Variants in RAPGEF2 observed in about 807,000 individuals in gnomAD.
RAPGEF2 encodes the protein PDZ domain containing guanine nucleotide exchange factor (GEF) 1.
Under a neutral mutation model 186.7 loss-of-function variants are expected in RAPGEF2, and 54 were observed. That is an observed-to-expected ratio of 0.29 (90% CI 0.23 to 0.36). The LOEUF is 0.36. Among genes scored for constraint, RAPGEF2 ranks in the 10% least tolerant of loss-of-function variants. The pLI is 1.00. For synonymous variants in RAPGEF2, 712 were observed against 705.9 expected, an observed-to-expected ratio of 1.01 and a Z score of -0.14; for missense variants, 1,532 against 2,045.0, an observed-to-expected ratio of 0.75 and a Z score of 4.84.
chr4:159,354,060 T>C lies in RAPGEF2; in HGVS notation c.4651+14T>C. The C allele has an allele frequency of 6.5e-7, 1 of 1,539,186 alleles. No homozygotes were observed. The highest frequency in any genetic ancestry group is 8.7e-7 in the Non-Finnish European group (1 of 1,146,122). On this transcript the variant is annotated intron_variant, in intron 28 of 29. Transcript: ENST00000691494. Reference sequence around the variant, plus strand: ...AGGGGCTCATTGGTAAGTTTTAAAATTGGGGGACTTTGTCATGTCTGGATC... The same window carrying C: ...AGGGGCTCATTGGTAAGTTTTAAAACTGGGGGACTTTGTCATGTCTGGATC...
intron 4 of RAPGEF2, among the ~76,000 whole-genome samples, chr4:159,214,575 A>C (rs1750829364): frequency 6.6e-6 from 1 of 152,222 alleles, no homozygotes; most frequent in Non-Finnish European, 1.5e-5. Flanking sequence ...TTTTGTCTAA[A>C]ATTACCCCAT....
At position 159,355,158 on chromosome 4, in the gene RAPGEF2, G is replaced by T. The variant is rs189771789; in HGVS notation, c.4652-695G>T. Among the ~76,000 whole-genome samples the T allele has an allele frequency of 1.8e-3, 276 of 152,244 alleles. 3 individuals carry two copies. Among genetic ancestry groups the T allele is most frequent in the African/African-American group, 6.3e-3 (262 of 41,552 alleles). The stretch of plus-strand genomic sequence containing the variant: ...ATGATTTTTAGTTCCTAACAATTGA[G>T]TTTTAAAAGTTCAAGAAAATGAAAC... On this transcript the variant is annotated intron_variant, in intron 28 of 29. Coordinates refer to ENST00000691494, the MANE Select transcript of RAPGEF2 (RefSeq NM_001394067.2).
In RAPGEF2 at chr4:159,343,127, C is replaced by G; in HGVS notation, c.3067C>G (p.Leu1023Val). The part of the protein sequence containing the change: ...KYRNVLNSQN[L>V]QPPIIPLFPV... Reference sequence around the variant, plus strand: ...TCGTAATGTTCTCAATAGTCAAAATCTACAACCTCCCATAATCCCTCTATT... The same window carrying G: ...TCGTAATGTTCTCAATAGTCAAAATGTACAACCTCCCATAATCCCTCTATT... The change falls in exon 21 of 30, where the codon CTA becomes GTA. Residue 1023 changes from leucine to valine, a missense_variant. This residue lies in a region of RAPGEF2 where 11 missense variants were observed against 45.2 expected (regional missense o/e 0.24). Coordinates refer to ENST00000691494, the MANE Select transcript of RAPGEF2 (RefSeq NM_001394067.2). The G allele has an allele frequency of 6.2e-7, 1 of 1,614,094 alleles. No homozygotes were observed. The highest frequency in any genetic ancestry group is 2.2e-5 in the East Asian group (1 of 44,888).
chr4:159,169,797 G>A (rs773581048), intron 1 of RAPGEF2, among the ~76,000 whole-genome samples: 34 of 151,732 alleles, frequency 2.2e-4, no homozygotes, highest in Admixed American at 6.6e-4. Flanking sequence ...CCTATATACC[G>A]CACTTTCTTC....
rs140197205 is a variant in RAPGEF2 at position 159,134,056 on chromosome 4, A to G, written c.69+29825A>G. Among the ~76,000 whole-genome samples the G allele has an allele frequency of 5.3e-3, 800 of 152,292 alleles. 8 individuals carry two copies. Among genetic ancestry groups the G allele is most frequent in the African/African-American group, 0.018 (761 of 41,572 alleles). On this transcript the variant is annotated intron_variant, in intron 1 of 29. Coordinates refer to ENST00000691494, the MANE Select transcript of RAPGEF2 (RefSeq NM_001394067.2). The stretch of plus-strand genomic sequence containing the variant: ...TTAATTTGTATACAGTCATGTCACC[A>G]CTGCAACTGCAATCAAAATTAAGAC...
chr4:159,341,680 C>T lies in RAPGEF2; in HGVS notation c.2651C>T (p.Thr884Ile), dbSNP rs564448325. ...CAGCTCAGCACTGTGGAAGTTGCAA[C>T]ACAGCTCTCTATGCGAAATTTTGAA... is the stretch of plus-strand genomic sequence containing the variant. ...LLQLSTVEVA[T>I]QLSMRNFELF... Residue 884 changes from threonine (T) to isoleucine (I), a missense_variant, in exon 20 of 30, where the codon ACA becomes ATA. Physicochemically the swap from Thr to Ile is moderately conservative, Grantham distance 89. Transcript: ENST00000691494. 3 of 1,614,090 alleles carry T rather than the reference C, an allele frequency of 1.9e-6. No homozygotes were observed. Among genetic ancestry groups the T allele is most frequent in the East Asian group, 4.5e-5 (2 of 44,874 alleles).
chr4:159,250,689 G>A (rs1296493708), intron 7 of RAPGEF2, among the ~76,000 whole-genome samples: 3 of 119,370 alleles, frequency 2.5e-5, no homozygotes, highest in Non-Finnish European at 4.8e-5. Context: ...TTTTTTTTGG[G>A]ACAGGGTCTC....
At position 159,119,854 on chromosome 4, in the gene RAPGEF2, T is replaced by C. The variant is rs147230957; in HGVS notation, c.69+15623T>C. Among the ~76,000 whole-genome samples the C allele has an allele frequency of 5.0e-3, 756 of 152,310 alleles. 7 individuals carry two copies. Among genetic ancestry groups the C allele is most frequent in the African/African-American group, 0.017 (694 of 41,556 alleles). ...TGGCATATGATATTTTCTAAATTGG[T>C]TCCTTTTGTTTCAGATTTACTCTAT... On this transcript the variant is annotated intron_variant, in intron 1 of 29. Coordinates refer to ENST00000691494, the MANE Select transcript of RAPGEF2 (RefSeq NM_001394067.2).
chr4:159,240,764 T>C (rs11931932), intron 5 of RAPGEF2, among the ~76,000 whole-genome samples: 40,082 of 151,310 alleles, frequency 0.26, 6,155 homozygotes, highest in African/African-American at 0.42. Context: ...GCACTGTTTT[T>C]GAGTCATTCA....
intron 4 of RAPGEF2, among the ~76,000 whole-genome samples, chr4:159,216,435 T>G (rs1402510847): frequency 1.3e-5 from 2 of 151,950 alleles, no homozygotes. Flanking sequence ...GGTTTATAGT[T>G]TAGATTGTTG....
At chr4:159,251,398 G>A in intron 7 of RAPGEF2, among the ~76,000 whole-genome samples, 1 of 152,266 alleles carries the variant, frequency 6.6e-6, no homozygotes, top group East Asian at 1.9e-4. Flanking sequence ...TGAGTAGAGT[G>A]GGGACTTGGA....
intron 1 of RAPGEF2, among the ~76,000 whole-genome samples, chr4:159,129,432 G>C (rs966928156): frequency 1.3e-5 from 2 of 152,120 alleles, no homozygotes; most frequent in African/African-American, 4.8e-5. Context: ...AACAGTTCAG[G>C]AAAGACATAG....
At chr4:159,307,458 T>C (rs999195591) in intron 8 of RAPGEF2, among the ~76,000 whole-genome samples, 6 of 152,226 alleles carry the variant, frequency 3.9e-5, no homozygotes. Flanking sequence ...AAGAGTTCCC[T>C]TGTGTAAAAC....
chr4:159,196,883 T>C (rs1253983073), intron 3 of RAPGEF2, among the ~76,000 whole-genome samples: 1 of 152,218 alleles, frequency 6.6e-6, no homozygotes, highest in Admixed American at 6.5e-5. Context: ...GGGGGGAACA[T>C]TGTGATTCTG....
At chr4:159,203,626 C>G (rs1749675083) in intron 3 of RAPGEF2, among the ~76,000 whole-genome samples, 1 of 152,078 alleles carries the variant, frequency 6.6e-6, no homozygotes, top group Non-Finnish European at 1.5e-5. Context: ...TTGTTCAAAA[C>G]CTTTGTGGCA....
intron 1 of RAPGEF2, among the ~76,000 whole-genome samples, chr4:159,153,319 G>C (rs1377837352): frequency 2.0e-5 from 3 of 152,130 alleles, no homozygotes; most frequent in Non-Finnish European, 2.9e-5. Context: ...CCACCTGAGA[G>C]GGATTCTGAT....
rs1318355832 is a variant in RAPGEF2, at chr4:159,344,036, G to A, written c.3255G>A (p.Arg1085=). Residue 1085 remains arginine (R), a splice_region_variant and synonymous_variant, in exon 23 of 30, where the codon CGG becomes CGA. Transcript: ENST00000691494. ...CAATCTCCATGGCTCTCACTTACAG[G>A]AAGAAGAAATGGCGGAGTTTGGGGT... ...NMDPALMFRT[R]KKKWRSLGSL... 2 of 1,535,164 alleles carry A rather than the reference G, an allele frequency of 1.3e-6. No homozygotes were observed. Among genetic ancestry groups the A allele is most frequent in the South Asian group, 1.1e-5 (1 of 89,400 alleles).
rs568397159 is a variant in RAPGEF2 at position 159,339,972 on chromosome 4, G to A, written c.2534+618G>A. On this transcript the variant is annotated intron_variant, in intron 19 of 29. Transcript: ENST00000691494. ...TATCACACGTTACTTGCAAGAAAATGTTGTGTCTGATTTTATCATTCTCTT... is the reference window on the plus strand; with the variant it reads ...TATCACACGTTACTTGCAAGAAAATATTGTGTCTGATTTTATCATTCTCTT... 5.9e-5 allele frequency among the ~76,000 whole-genome samples: 9 copies of A among 152,078 alleles called. No individual in the cohort carries two copies. The East Asian group carries it at 1.7e-3, about 29-fold the overall frequency.
chr4:159,133,749 A>G (rs1390227320), intron 1 of RAPGEF2, among the ~76,000 whole-genome samples: 1 of 152,000 alleles, frequency 6.6e-6, no homozygotes, highest in East Asian at 1.9e-4. Context: ...ACGCCCAGCT[A>G]ATTTTTTGTA....
Sources: gnomAD v4.1 joint callset for allele counts (sites outside exome capture counted in the v4.1 genomes callset) on GRCh38, gnomAD v4.1.1 for gene constraint, gnomAD v4.1.1 regional missense constraint, MANE v1.5 for transcripts, NCBI Gene and HGNC (gene_info 2026-07-23, HGNC 2026-07-21) for gene names.